SYCP2L: variants seen among roughly 807,000 people sequenced by gnomAD.
The protein encoded by SYCP2L is synaptonemal complex protein 2-like.
In SYCP2L, 98 loss-of-function variants were observed where a neutral mutation model predicts 125.8. The observed-to-expected ratio is 0.78, with a 90% CI of 0.66 to 0.92. The LOEUF is 0.92. Ranked by LOEUF, SYCP2L falls within the 40% of genes least tolerant of loss-of-function variation. The pLI is 0.00. For missense variants in SYCP2L, 842 were observed against 936.4 expected, an observed-to-expected ratio of 0.90 and a Z score of 1.32; for synonymous variants, 317 against 325.4, an observed-to-expected ratio of 0.97 and a Z score of 0.28.
At chr6:10,950,736 T>C (rs1781395662) in intron 23 of SYCP2L, among the ~76,000 whole-genome samples, 1 of 152,112 alleles carries the variant, frequency 6.6e-6, no homozygotes, top group African/African-American at 2.4e-5. Flanking sequence ...TTCGGGTCAC[T>C]GCAGCCTTCG....
In SYCP2L at chr6:10,946,916, A is replaced by G. The variant is rs944076957; in HGVS notation, c.1954+4170A>G. Among the ~76,000 whole-genome samples the G allele has an allele frequency of 3.3e-5, 5 of 151,846 alleles. No individual in the cohort carries two copies. The South Asian group carries it at 1.0e-3, about 32-fold the overall frequency. ...CATCAGTTCTGGAACATTCTCAGCAATTATCTCCTCAAATATTGCTTTTGG... is the reference window on the plus strand; with the variant it reads ...CATCAGTTCTGGAACATTCTCAGCAGTTATCTCCTCAAATATTGCTTTTGG... On this transcript the variant is annotated intron_variant, in intron 23 of 29. Transcript: ENST00000283141.
intron 14 of SYCP2L, among the ~76,000 whole-genome samples, chr6:10,924,046 A>T (rs1269547636): frequency 1.3e-5 from 2 of 152,202 alleles, no homozygotes; most frequent in Non-Finnish European, 2.9e-5. Context: ...AAATGGTGGT[A>T]GATTATTCCA....
intron 26 of SYCP2L, 92 bp downstream of exon 26, chr6:10,958,967 T>G (rs1015497875): frequency 9.3e-7 from 1 of 1,069,862 alleles, no homozygotes; most frequent in African/African-American, 1.6e-5. Flanking sequence ...CCCTGAGGAG[T>G]TGGGGCCTGA....
chr6:10,949,721 C>G (rs77501023), intron 23 of SYCP2L, among the ~76,000 whole-genome samples: 1 of 121,518 alleles, frequency 8.2e-6, no homozygotes, highest in African/African-American at 3.1e-5. Flanking sequence ...CCTGATACAT[C>G]TTTTTTTTTT....
At chr6:10,888,056 G>A (rs78283511) in intron 1 of SYCP2L, among the ~76,000 whole-genome samples, 43,122 of 133,654 alleles carry the variant, frequency 0.32, 8,093 homozygotes, top group South Asian at 0.48. Context: ...TTCCATATAG[G>A]TGTTACCATC....
intron 2 of SYCP2L, among the ~76,000 whole-genome samples, chr6:10,893,574 C>T (rs1436379964): frequency 6.6e-6 from 1 of 152,122 alleles, no homozygotes; most frequent in Non-Finnish European, 1.5e-5. Flanking sequence ...CTTCAGCATG[C>T]ACGAGAATCA....
At chr6:10,907,131 C>A (rs1482333339) in intron 9 of SYCP2L, among the ~76,000 whole-genome samples, 2 of 151,888 alleles carry the variant, frequency 1.3e-5, no homozygotes, top group African/African-American at 4.8e-5. Context: ...ATTGCTTGAA[C>A]CCAGAAGTTC....
At chr6:10,946,993 C>T (rs139674429) in intron 23 of SYCP2L, among the ~76,000 whole-genome samples, 117 of 151,876 alleles carry the variant, frequency 7.7e-4, no homozygotes, top group African/African-American at 2.6e-3. Flanking sequence ...CATCTTTTAC[C>T]CACTCCTACG....
chr6:10,941,163 A>C (rs1408841213), intron 21 of SYCP2L, among the ~76,000 whole-genome samples: 1 of 152,232 alleles, frequency 6.6e-6, no homozygotes, highest in African/African-American at 2.4e-5. Context: ...AAGATGGATT[A>C]AAGACTTAAA....
Position 10,926,400 on chromosome 6 carries a change from G to A in SYCP2L, c.1280G>A (p.Arg427Lys), listed in dbSNP as rs778102813. The A allele has an allele frequency of 3.1e-6, 5 of 1,613,852 alleles. No homozygotes were observed. The highest frequency in any genetic ancestry group is 1.6e-4 in the Middle Eastern group (1 of 6,062). Residue 427 changes from arginine to lysine, a missense_variant, in exon 16 of 30, where the codon AGG becomes AAG. Physicochemically the swap from Arg to Lys is conservative, Grantham distance 26 (BLOSUM62 2). Coordinates refer to ENST00000283141, the MANE Select transcript of SYCP2L (RefSeq NM_001040274.3). Reference sequence around the variant, plus strand: ...TTTAGTAAGTCTGATAAAGAAGACAGGGAGAGTCCCAGTGGCCTTGAAAGA... The same window carrying A: ...TTTAGTAAGTCTGATAAAGAAGACAAGGAGAGTCCCAGTGGCCTTGAAAGA... ...ELFSKSDKED[R>K]ESPSGLERET... is the part of the protein sequence containing the mutation.
rs1188466988 is a variant in SYCP2L, at chr6:10,942,468, A to T, written c.1823A>T (p.Asp608Val). The stretch of plus-strand genomic sequence containing the variant: ...TCTCTCTAATGCTCAGAGCTTCAAG[A>T]TCCTCACTCACTGAGTGAGCTCTCT... ...EDSAQKTELQ[D>V]PHSLSELSSL... Residue 608 changes from aspartate to valine, a missense_variant, in exon 22 of 30, where the codon GAT becomes GTT. By Grantham distance (152) the Asp-to-Val change is radical. Coordinates refer to ENST00000283141, the MANE Select transcript of SYCP2L (RefSeq NM_001040274.3). The T allele has an allele frequency of 6.3e-7, 1 of 1,580,890 alleles. No homozygotes were observed. The highest frequency in any genetic ancestry group is 1.4e-5 in the African/African-American group (1 of 73,006).
At chr6:10,934,924 A>G in intron 20 of SYCP2L, 134 bp from the exon 21 acceptor site, 1 of 830,968 alleles carries the variant, frequency 1.2e-6, no homozygotes, top group South Asian at 2.3e-5. Context: ...TCTTAGTAGA[A>G]TTAGCATTTA....
intron 23 of SYCP2L, among the ~76,000 whole-genome samples, chr6:10,952,084 G>T (rs528622124): frequency 6.6e-6 from 1 of 152,142 alleles, no homozygotes; most frequent in Non-Finnish European, 1.5e-5. Flanking sequence ...ACTTGACTGC[G>T]TTTGTGTTTA....
intron 14 of SYCP2L, among the ~76,000 whole-genome samples, chr6:10,915,723 T>C (rs1035735452): frequency 2.4e-4 from 37 of 152,192 alleles, no homozygotes; most frequent in Non-Finnish European, 1.6e-4. Flanking sequence ...TTCGGTTAGC[T>C]AGTATTTGTT....
chr6:10,897,251 T>C (rs1463754781), intron 4 of SYCP2L, among the ~76,000 whole-genome samples: 1 of 152,174 alleles, frequency 6.6e-6, no homozygotes, highest in East Asian at 1.9e-4. Flanking sequence ...GGAAGCTTTT[T>C]AACGAAAGAA....
intron 5 of SYCP2L, among the ~76,000 whole-genome samples, chr6:10,898,508 T>G (rs1241967080): frequency 1.3e-5 from 2 of 152,124 alleles, no homozygotes; most frequent in Admixed American, 6.6e-5. Context: ...AGAGTGAAAC[T>G]CTGTCTCAAA....
At chr6:10,956,813 G>A (rs1395460338) in intron 25 of SYCP2L, among the ~76,000 whole-genome samples, 3 of 151,864 alleles carry the variant, frequency 2.0e-5, no homozygotes, top group African/African-American at 7.3e-5. Flanking sequence ...TGTATACCTT[G>A]AATACATAAC....
intron 14 of SYCP2L, among the ~76,000 whole-genome samples, chr6:10,924,170 CA>C (rs1270892383): frequency 6.6e-6 from 1 of 152,110 alleles, no homozygotes; most frequent in Non-Finnish European, 1.5e-5. Flanking sequence ...ATACCTGTTG[CA>C]GATGATAGCC....
At chr6:10,921,895 A>G (rs1175016432) in intron 14 of SYCP2L, among the ~76,000 whole-genome samples, 1 of 151,876 alleles carries the variant, frequency 6.6e-6, no homozygotes, top group Non-Finnish European at 1.5e-5. Context: ...TTTAGTAAAG[A>G]CGGGGTTTCA....
Sources: gnomAD v4.1 joint callset for allele counts (sites outside exome capture counted in the v4.1 genomes callset) on GRCh38, gnomAD v4.1.1 for gene constraint, MANE v1.5 for transcripts, NCBI Gene and HGNC (gene_info 2026-07-23, HGNC 2026-07-21) for gene names.